The following TMEM181 variants were observed in gnomAD, a reference collection of about 807,000 sequenced individuals.
TMEM181 encodes transmembrane protein 181, also known as G protein-coupled receptor 178.
TMEM181 carries 39 observed loss-of-function variants against 71.9 expected under a neutral mutation model. The ratio of observed to expected loss-of-function variants is 0.54; its 90% CI spans 0.42 to 0.71. TMEM181 has a LOEUF of 0.71. TMEM181 is among the 30% of genes least tolerant of loss of function. TMEM181 has a pLI of 0.00. For synonymous variants in TMEM181, 245 were observed against 228.8 expected, an observed-to-expected ratio of 1.07 and a Z score of -0.64; for missense variants, 595 against 583.0, an observed-to-expected ratio of 1.02 and a Z score of -0.21.
intron 1 of TMEM181, among the ~76,000 whole-genome samples, chr6:158,564,728 G>A (rs1197613423): frequency 6.6e-6 from 1 of 152,166 alleles, no homozygotes; most frequent in Non-Finnish European, 1.5e-5. Context: ...AGGGTCTGGG[G>A]AACTGTTTAC....
At position 158,573,433 on chromosome 6, in the gene TMEM181, C is replaced by T; in HGVS notation, c.22C>T (p.Arg8Trp). The change falls in exon 2 of 17, where the codon CGG becomes TGG. Residue 8 changes from arginine to tryptophan, a missense_variant. Coordinates refer to ENST00000684151, the MANE Select transcript of TMEM181 (RefSeq NM_001376852.1). MEPLAPM[R>W]LYTLSKRHFV... The stretch of plus-strand genomic sequence containing the variant: ...TTCTGCCCCCAGGCTGGCGCCCATG[C>T]GGCTCTACACGCTCTCCAAGCGCCA... The T allele has an allele frequency of 3.2e-6, 5 of 1,582,376 alleles. No homozygotes were observed. The highest frequency in any genetic ancestry group is 2.4e-5 in the East Asian group (1 of 42,544).
rs879924721 is a variant in TMEM181 at position 158,634,114 on chromosome 6, T to C, written c.*2226T>C. 6.6e-5 allele frequency: 10 copies of C among 152,162 alleles called. No homozygotes were observed. Among genetic ancestry groups the C allele is most frequent in the Admixed American group, 1.3e-4 (2 of 15,282 alleles). The allele number at this position is 152,162 out of a possible 1,614,324, so 9.4% of individuals were successfully genotyped here. A position where few individuals can be genotyped will look rare whatever the true frequency, so the allele number is the denominator to read the frequency against. On this transcript the variant is annotated 3_prime_UTR_variant, in exon 17 of 17. Transcript: ENST00000684151. The stretch of plus-strand genomic sequence containing the variant: ...TCATGCATCAATGAAATGAAAAATA[T>C]AGGATTATTTATTTACTTTTTGTAA...
At chr6:158,580,803 G>A (rs1396634219) in intron 2 of TMEM181, 137 bp from the exon 3 acceptor site, 7 of 684,652 alleles carry the variant, frequency 1.0e-5, no homozygotes, top group Non-Finnish European at 1.5e-5. Context: ...CTTACACATT[G>A]TATAATCTCT....
rs1365656351 is a variant in TMEM181 at position 158,634,645 on chromosome 6, C to T, written c.*2757C>T. 1 of 152,040 alleles carries T rather than the reference C, an allele frequency of 6.6e-6. No individual in the cohort carries two copies. The highest frequency in any genetic ancestry group is 6.6e-5 in the Admixed American group (1 of 15,262). 9.4% of individuals were successfully genotyped at this position (152,040 alleles called of 1,614,324 possible). The stretch of plus-strand genomic sequence containing the variant: ...TGGTGCCATTTTCTCTCTCTTAAGC[C>T]CCATTTGAAAGGCTAGAGAAGGGGA... On this transcript the variant is annotated 3_prime_UTR_variant, in exon 17 of 17. Transcript: ENST00000684151.
chr6:158,617,471 A>G (rs540733523), intron 10 of TMEM181, among the ~76,000 whole-genome samples: 6 of 147,820 alleles, frequency 4.1e-5, no homozygotes, highest in South Asian at 2.1e-4. Flanking sequence ...TTGTGTCTCT[A>G]TCTCCTTCAG....
chr6:158,571,278 T>C (rs914201679), intron 1 of TMEM181, among the ~76,000 whole-genome samples: 1 of 148,694 alleles, frequency 6.7e-6, no homozygotes, highest in African/African-American at 2.5e-5. Context: ...TTGTGTTTTT[T>C]AGTAAAGACG....
At chr6:158,551,870 A>G (rs1781733715) in intron 1 of TMEM181, among the ~76,000 whole-genome samples, 1 of 152,180 alleles carries the variant, frequency 6.6e-6, no homozygotes, top group South Asian at 2.1e-4. Context: ...ATCATTTCCT[A>G]TCACTATGAG....
chr6:158,582,682 G>GA (rs1376987846), intron 3 of TMEM181, among the ~76,000 whole-genome samples: 1 of 151,496 alleles, frequency 6.6e-6, no homozygotes, highest in African/African-American at 2.4e-5. Flanking sequence ...GAAAAAAAAA[G>GA]AAAAAACCCA....
chr6:158,614,751 C>T (rs1032842046), intron 10 of TMEM181, among the ~76,000 whole-genome samples: 1 of 152,116 alleles, frequency 6.6e-6, no homozygotes, highest in African/African-American at 2.4e-5. Context: ...GTTTTCTGTG[C>T]TTGGCGATAG....
At chr6:158,536,894 G>A in intron 1 of TMEM181, 1 of 1,321,588 alleles carries the variant, frequency 7.6e-7, no homozygotes, top group African/African-American at 1.5e-5. Context: ...GCGGCGGGGC[G>A]GCCGGAGGCT....
Position 158,572,553 on chromosome 6 carries a change from C to T in TMEM181, c.9-867C>T, listed in dbSNP as rs185398497. ...GGTTTGACTGGGACACAGCCATGCT[C>T]GTGCGTCCTGTGCTGCTCAGAGAAG... On this transcript the variant is annotated intron_variant, in intron 1 of 16. Transcript: ENST00000684151. 8.7e-4 allele frequency: 391 copies of T among 451,800 alleles called. 1 individual carries two copies. The highest frequency in any genetic ancestry group is 7.0e-3 in the African/African-American group (350 of 50,144). The allele number at this position is 451,800 out of a possible 1,614,324, so 28.0% of individuals were successfully genotyped here. A position where few individuals can be genotyped will look rare whatever the true frequency, so the allele number is the denominator to read the frequency against.
intron 1 of TMEM181, among the ~76,000 whole-genome samples, chr6:158,567,120 A>C (rs768588827): frequency 7.9e-5 from 12 of 152,188 alleles, no homozygotes; most frequent in Non-Finnish European, 1.8e-4. Flanking sequence ...GGCAGGCCAG[A>C]ATTTGCGAGT....
intron 1 of TMEM181, among the ~76,000 whole-genome samples, chr6:158,569,151 T>A (rs756055814): frequency 3.9e-5 from 6 of 152,164 alleles, no homozygotes; most frequent in Non-Finnish European, 8.8e-5. Context: ...TCAGAACTTT[T>A]AGATTGGAAG....
Position 158,632,009 on chromosome 6 carries a change from T to G in TMEM181, c.*121T>G. 9.6e-7 allele frequency: 1 copy of G among 1,040,632 alleles called. No individual in the cohort carries two copies. The highest frequency in any genetic ancestry group is 2.7e-5 in the East Asian group (1 of 37,602). The allele number at this position is 1,040,632 out of a possible 1,614,324, so 64.5% of individuals were successfully genotyped here. On this transcript the variant is annotated 3_prime_UTR_variant, in exon 17 of 17. Coordinates refer to ENST00000684151, the MANE Select transcript of TMEM181 (RefSeq NM_001376852.1). ...AGCAGAGATTTCCTGTTCATTTGTT[T>G]ACATATTTTTTTAAAGGAAAACCAA...
At chr6:158,544,862 G>A (rs997578591) in intron 1 of TMEM181, among the ~76,000 whole-genome samples, 1 of 152,134 alleles carries the variant, frequency 6.6e-6, no homozygotes, top group Non-Finnish European at 1.5e-5. Flanking sequence ...CCTTGAGAAC[G>A]TCATACATGC....
At chr6:158,598,740 C>T (rs1297793286) in intron 6 of TMEM181, among the ~76,000 whole-genome samples, 1 of 151,116 alleles carries the variant, frequency 6.6e-6, no homozygotes, top group Non-Finnish European at 1.5e-5. Context: ...GTGGCACAAT[C>T]TCGGCTCACT....
chr6:158,612,362 CTGGGTGG>C (rs1366581559), intron 10 of TMEM181, among the ~76,000 whole-genome samples: 1 of 152,182 alleles, frequency 6.6e-6, no homozygotes, highest in Non-Finnish European at 1.5e-5. Context: ...TTACTTCCTG[CTGGGTGG>C]GAGAGGTAGA....
intron 1 of TMEM181, among the ~76,000 whole-genome samples, chr6:158,563,370 C>G (rs1036317902): frequency 3.3e-5 from 5 of 152,236 alleles, no homozygotes; most frequent in Admixed American, 1.3e-4. Context: ...TCTCGAACTC[C>G]TGACCTCAGG....
In TMEM181 at chr6:158,608,343, C is replaced by A. The variant is rs777546780; in HGVS notation, c.684C>A (p.Phe228Leu). The change falls in exon 9 of 17, where the codon TTC becomes TTA. Residue 228 changes from phenylalanine (F) to leucine (L), a missense_variant. Physicochemically the swap from Phe to Leu is conservative, Grantham distance 22. Coordinates refer to ENST00000684151, the MANE Select transcript of TMEM181 (RefSeq NM_001376852.1). ...PLLLLYNDPF[F>L]PLSFLVNSWL... ...CCCTTTGTGTTCCAGATCCGTTCTT[C>A]CCCCTCTCCTTCCTGGTCAACAGCT... is the stretch of plus-strand genomic sequence containing the variant. The A allele has an allele frequency of 1.9e-6, 3 of 1,614,198 alleles. No individual in the cohort carries two copies. Among genetic ancestry groups the A allele is most frequent in the Admixed American group, 1.7e-5 (1 of 60,034 alleles).
Sources: allele counts gnomAD v4.1 joint callset (sites outside exome capture counted in the v4.1 genomes callset), GRCh38; gene constraint gnomAD v4.1.1; transcripts MANE v1.5; gene names NCBI Gene and HGNC (gene_info 2026-07-23, HGNC 2026-07-21).